IL10RA: variants seen among roughly 807,000 people sequenced by gnomAD.
The protein encoded by IL10RA is interleukin 10 receptor subunit alpha.
IL10RA carries 18 observed loss-of-function variants against 29.6 expected under a neutral mutation model. The observed-to-expected ratio is 0.61, with a 90% CI of 0.42 to 0.90. IL10RA has a LOEUF of 0.90. IL10RA is among the 40% of genes least tolerant of loss of function. The probability of loss-of-function intolerance (pLI) is 0.00; values close to 1 mark genes in which losing one functional copy is unlikely to be tolerated. For synonymous variants in IL10RA, 292 were observed against 294.1 expected (o/e 0.99, Z 0.07); for missense variants, 634 against 716.6 (o/e 0.88, Z 1.32).
chr11:117,987,673 T>G (rs1286094360), intron 1 of IL10RA: 1 of 157,400 alleles, frequency 6.4e-6, no homozygotes, highest in Non-Finnish European at 1.4e-5. Context: ...TGGTGTGTAC[T>G]GGGGGTAAAG....
At chr11:117,988,150 C>T (rs1163356212) in intron 1 of IL10RA, 1 of 580,604 alleles carries the variant, frequency 1.7e-6, no homozygotes, top group Non-Finnish European at 3.1e-6. Flanking sequence ...TGGCTCTTCT[C>T]AGCCCCCACT....
rs750889881 is a variant in IL10RA, at chr11:117,989,987, C to T, written c.367+367C>T. ...AAGCAGTAGGCAGAATTTGGGTGAA[C>T]GCCCCGCTTCTTTAGGGGTGAACAC... On this transcript the variant is annotated intron_variant, in intron 3 of 6. Coordinates refer to ENST00000227752, the MANE Select transcript of IL10RA (RefSeq NM_001558.4). The surrounding 1 kb of genome is among the most constrained non-coding windows in gnomAD (Gnocchi z 4.5). 3.3e-5 allele frequency among the ~76,000 whole-genome samples: 5 copies of T among 152,094 alleles called. No individual in the cohort carries two copies. Among genetic ancestry groups the T allele is most frequent in the African/African-American group, 4.8e-5 (2 of 41,400 alleles).
rs112869515 is a variant in IL10RA, at chr11:117,988,122, T to A, written c.68-260T>A. The A allele has an allele frequency of 2.2e-3, 1,160 of 532,238 alleles. 12 individuals are homozygous for A. Among genetic ancestry groups the A allele is most frequent in the African/African-American group, 0.02 (1,070 of 52,388 alleles). 33.0% of individuals were successfully genotyped at this position (532,238 alleles called of 1,614,324 possible). A position where few individuals can be genotyped will look rare whatever the true frequency, so the allele number is the denominator to read the frequency against. On this transcript the variant is annotated intron_variant, in intron 1 of 6. Transcript: ENST00000227752. The stretch of plus-strand genomic sequence containing the variant: ...CCTCGGCCCCTGCCTTCTTCCCTGG[T>A]AGGCATCAGACTCAGCTTGGCTCTT...
chr11:117,986,532 A>G lies in IL10RA; in HGVS notation c.65A>G (p.His22Arg), dbSNP rs1249233978. The G allele has an allele frequency of 1.3e-6, 2 of 1,554,140 alleles. No individual in the cohort carries two copies. The highest frequency in any genetic ancestry group is 1.7e-6 in the Non-Finnish European group (2 of 1,148,566). ...LLSLRLGSDA[H>R]GTELPSPPSV... ...AGCCTCCGTCTTGGCTCAGACGCTCATGGTAAGGCTCCGGGACGCGGCCCT... is the reference window on the plus strand; with the variant it reads ...AGCCTCCGTCTTGGCTCAGACGCTCGTGGTAAGGCTCCGGGACGCGGCCCT... The change falls in exon 1 of 7, where the codon CAT becomes CGT. Residue 22 changes from histidine (H) to arginine (R), a missense_variant and splice_region_variant. Transcript: ENST00000227752.
rs1429355499 is a variant in IL10RA, at chr11:118,000,140, A to G, written c.*499A>G. 4.4e-6 allele frequency: 2 copies of G among 454,492 alleles called. No homozygotes were observed. Among genetic ancestry groups the G allele is most frequent in the Admixed American group, 4.7e-5 (2 of 42,566 alleles). The allele number at this position is 454,492 out of a possible 1,614,324, so 28.2% of individuals were successfully genotyped here. On this transcript the variant is annotated 3_prime_UTR_variant, in exon 7 of 7. Transcript: ENST00000227752. ...TGGGGTCATTTTTAGGGGAAAAAGGAGGATATGATGGTCACATGGGGAACC... is the reference window on the plus strand; with the variant it reads ...TGGGGTCATTTTTAGGGGAAAAAGGGGGATATGATGGTCACATGGGGAACC...
Position 117,993,346 on chromosome 11 carries a change from A to C in IL10RA, c.473A>C (p.Glu158Ala). The change falls in exon 4 of 7, where the codon GAA becomes GCA. Residue 158 changes from glutamate (E) to alanine (A), a missense_variant. Transcript: ENST00000227752. ...ATGGCCCCCGCAAATGACACATATG[A>C]AAGCATCTTCAGTCACTTCCGAGAG... The part of the protein sequence containing the change: ...PKMAPANDTY[E>A]SIFSHFREYE... 6.2e-7 allele frequency: 1 copy of C among 1,614,090 alleles called. No individual in the cohort carries two copies. Among genetic ancestry groups the C allele is most frequent in the Non-Finnish European group, 8.5e-7 (1 of 1,179,904 alleles).
chr11:117,990,604 A>G (rs1016217669), intron 3 of IL10RA, among the ~76,000 whole-genome samples: 2 of 152,190 alleles, frequency 1.3e-5, no homozygotes, highest in African/African-American at 2.4e-5. Flanking sequence ...TTAAAATGCT[A>G]AAGTAAATTT....
intron 3 of IL10RA, among the ~76,000 whole-genome samples, chr11:117,990,740 A>C (rs915237202): frequency 3.3e-5 from 5 of 152,236 alleles, no homozygotes; most frequent in African/African-American, 7.2e-5. Flanking sequence ...TCTATTGGAA[A>C]TTTCTACATA....
Position 117,988,555 on chromosome 11 carries a change from C to T in IL10RA, c.188+53C>T, listed in dbSNP as rs969085217. On this transcript the variant is annotated intron_variant, in intron 2 of 6. Transcript: ENST00000227752. ...GGGAGGAGTGAATCCCCGCCTTGTC[C>T]TCTACTCTCCTAGCATGGGAAGATA... is the stretch of plus-strand genomic sequence containing the variant. The T allele has an allele frequency of 3.7e-6, 6 of 1,603,370 alleles. No homozygotes were observed. The African/African-American group carries it at 8.0e-5, about 21-fold the overall frequency.
chr11:117,993,934 A>G, intron 4 of IL10RA, 65 bp from the exon 5 acceptor site: 5 of 1,451,828 alleles, frequency 3.4e-6, no homozygotes, highest in Non-Finnish European at 4.8e-6. Context: ...AAGGCCCACC[A>G]GCTCTCAGTG....
chr11:117,988,111 T>G, intron 1 of IL10RA: 1 of 515,304 alleles, frequency 1.9e-6, no homozygotes, highest in Non-Finnish European at 3.5e-6. Flanking sequence ...GGCCCCTGCC[T>G]TCTTCCCTGG....
chr11:117,998,719 TCAAG>T lies in IL10RA; in HGVS notation c.816_819del (p.Phe272LeufsTer30). Reference sequence around the variant, plus strand: ...ACTCTGCCCTCTCTTCCCCAGCTCTTCAAGAAGCCCAGCCCCTTCATCTTCATCA... The same window carrying T: ...ACTCTGCCCTCTCTTCCCCAGCTCTTAAGCCCAGCCCCTTCATCTTCATCA... On this transcript the variant is annotated frameshift_variant, in exon 7 of 7. Transcript: ENST00000227752. LOFTEE classifies it low-confidence loss of function (END_TRUNC). The T allele has an allele frequency of 6.2e-7, 1 of 1,614,038 alleles. No homozygotes were observed.
chr11:117,999,666 T>G lies in IL10RA; in HGVS notation c.*25T>G. On this transcript the variant is annotated 3_prime_UTR_variant, in exon 7 of 7. Coordinates refer to ENST00000227752, the MANE Select transcript of IL10RA (RefSeq NM_001558.4). ...ACTCGGGCTGAGAGGCTGCTTTTGA[T>G]TTTAGCCATGCCTGCTCCTCTGCCT... 1 of 1,596,550 alleles carries G rather than the reference T, an allele frequency of 6.3e-7. No individual in the cohort carries two copies. Among genetic ancestry groups the G allele is most frequent in the Non-Finnish European group, 8.6e-7 (1 of 1,164,946 alleles).
chr11:117,986,980 G>A, intron 1 of IL10RA: 1 of 551,472 alleles, frequency 1.8e-6, no homozygotes, highest in South Asian at 1.6e-5. Flanking sequence ...TGATCACCCC[G>A]ATCTGATCCC....
chr11:117,988,547 G>T (rs753424836), intron 2 of IL10RA, 45 bp downstream of exon 2: 3 of 1,607,620 alleles, frequency 1.9e-6, no homozygotes, highest in Admixed American at 1.7e-5. Context: ...GTGAATCCCC[G>T]CCTTGTCCTC....
chr11:118,001,600 T>C (rs2058096250), downstream of IL10RA: 18 of 360,676 alleles, frequency 5.0e-5, no homozygotes, highest in South Asian at 3.9e-4. Context: ...GAAACAGGGC[T>C]GAGGACTCAG....
Position 118,001,297 on chromosome 11 carries a change from C to T in IL10RA, c.*1656C>T, listed in dbSNP as rs1266809998. The stretch of plus-strand genomic sequence containing the variant: ...GACTTTGCTGTTTCCAGTGGTATGA[C>T]CTTGGAGAAGTCACTTATCCTCTTG... On this transcript the variant is annotated 3_prime_UTR_variant, in exon 7 of 7. Coordinates refer to ENST00000227752, the MANE Select transcript of IL10RA (RefSeq NM_001558.4). 4.4e-6 allele frequency: 2 copies of T among 454,018 alleles called. No individual in the cohort carries two copies. Among genetic ancestry groups the T allele is most frequent in the Non-Finnish European group, 8.8e-6 (2 of 226,820 alleles). 28.1% of individuals were successfully genotyped at this position (454,018 alleles called of 1,614,324 possible).
In IL10RA at chr11:118,000,163, A is replaced by G; in HGVS notation, c.*522A>G. On this transcript the variant is annotated 3_prime_UTR_variant, in exon 7 of 7. Coordinates refer to ENST00000227752, the MANE Select transcript of IL10RA (RefSeq NM_001558.4). Reference sequence around the variant, plus strand: ...GGAGGATATGATGGTCACATGGGGAACCTCCCCTCATCGGGCCTCTGGGGC... The same window carrying G: ...GGAGGATATGATGGTCACATGGGGAGCCTCCCCTCATCGGGCCTCTGGGGC... 1 of 452,188 alleles carries G rather than the reference A, an allele frequency of 2.2e-6. No homozygotes were observed. Among genetic ancestry groups the G allele is most frequent in the South Asian group, 1.6e-5 (1 of 64,372 alleles). 28.0% of individuals were successfully genotyped at this position (452,188 alleles called of 1,614,324 possible).
chr11:117,993,476 C>A, intron 4 of IL10RA, 66 bp downstream of exon 4: 2 of 1,424,118 alleles, frequency 1.4e-6, no homozygotes, highest in Non-Finnish European at 2.0e-6. Context: ...GGGCTGGAAG[C>A]ACCCTTGTGT....
Sources: allele counts gnomAD v4.1 joint callset (sites outside exome capture counted in the v4.1 genomes callset), GRCh38; gene constraint gnomAD v4.1.1; non-coding constraint Gnocchi (gnomAD v3.1); transcripts MANE v1.5; gene names NCBI Gene and HGNC (gene_info 2026-07-23, HGNC 2026-07-21).